Variants in MPRIP observed in about 807,000 individuals in gnomAD.
MPRIP encodes the protein myosin phosphatase Rho-interacting protein.
MPRIP carries 59 observed loss-of-function variants against 234.9 expected under a neutral mutation model. That is an observed-to-expected ratio of 0.25 (90% CI 0.20 to 0.31). MPRIP has a LOEUF of 0.31. MPRIP is among the 10% of genes least tolerant of loss of function. The pLI, the probability that MPRIP is intolerant of heterozygous loss-of-function variation, is 1.00. For synonymous variants in MPRIP, 1,144 were observed against 1,263.9 expected (o/e 0.91, Z 2.01); for missense variants, 2,436 against 3,071.0 (o/e 0.79, Z 4.89).
intron 9 of MPRIP, 22 bp downstream of exon 9, chr17:17,143,691 T>G (rs1410299621): frequency 6.6e-6 from 10 of 1,515,206 alleles, no homozygotes; most frequent in Non-Finnish European, 9.1e-7. Context: ...CGCCGCGTCC[T>G]CCGGAGGCCG....
chr17:17,043,637 G>A (rs2088252360), intron 1 of MPRIP, among the ~76,000 whole-genome samples: 1 of 152,182 alleles, frequency 6.6e-6, no homozygotes, highest in Non-Finnish European at 1.5e-5. Context: ...ACTCCCAAAC[G>A]TGCATTAGAG....
intron 3 of MPRIP, among the ~76,000 whole-genome samples, chr17:17,085,944 G>A (rs974788916): frequency 5.9e-5 from 9 of 152,304 alleles, no homozygotes; most frequent in Admixed American, 5.9e-4. Flanking sequence ...TGACCAGACC[G>A]GACCAACCTC....
rs904672403 is a variant in MPRIP at position 17,043,096 on chromosome 17, G to A, written c.123+125G>A. 116 of 882,252 alleles carry A rather than the reference G, an allele frequency of 1.3e-4. No individual in the cohort carries two copies. The Admixed American group carries it at 2.8e-3, about 22-fold the overall frequency. 54.7% of individuals were successfully genotyped at this position (882,252 alleles called of 1,614,324 possible). On this transcript the variant is annotated intron_variant, in intron 1 of 23. Transcript: ENST00000651222. ...GGAAATGCGCGAGTCCTGGGGCATG[G>A]GGACGGGGACGGGAAGTGCATTGAC...
chr17:17,049,959 C>T (rs1355722802), intron 1 of MPRIP, among the ~76,000 whole-genome samples: 5 of 152,164 alleles, frequency 3.3e-5, no homozygotes, highest in Admixed American at 6.5e-5. Flanking sequence ...GAGGCCGAGA[C>T]GGGCGGATCA....
chr17:17,096,312 TGTGTGTGTGTGTG>T, intron 3 of MPRIP, among the ~76,000 whole-genome samples: 1 of 127,362 alleles, frequency 7.9e-6, no homozygotes, highest in Non-Finnish European at 1.6e-5. Flanking sequence ...TGTGTGTGTG[TGTGTGTGTGTGTG>T]TGTGTGTGTG....
chr17:17,153,463 G>A (rs992090795), intron 12 of MPRIP, among the ~76,000 whole-genome samples: 1 of 151,894 alleles, frequency 6.6e-6, no homozygotes, highest in Non-Finnish European at 1.5e-5. Context: ...CCCCTGCCTG[G>A]TACCCAGGCA....
In MPRIP at chr17:17,138,176, T is replaced by A. The variant is rs1164816457; in HGVS notation, c.997T>A (p.Ser333Thr). Residue 333 changes from serine to threonine, a missense_variant, in exon 7 of 24, where the codon TCC (serine) becomes ACC (threonine). Ser to Thr is a moderately conservative substitution (Grantham distance 58). Transcript: ENST00000651222. The surrounding 1 kb of genome is among the most constrained non-coding windows in gnomAD (Gnocchi z 5.8). ...AATGGTCTGCAGCATCTCCCTCAGCTCCCTGGATGTGGCCAGCCAGCCACC... is the reference window on the plus strand; with the variant it reads ...AATGGTCTGCAGCATCTCCCTCAGCACCCTGGATGTGGCCAGCCAGCCACC... ...HQMVCSISLSSLDVASQPPAY... is the reference protein window; with the variant it reads ...HQMVCSISLSTLDVASQPPAY... 2 of 1,113,626 alleles carry A rather than the reference T, an allele frequency of 1.8e-6. No homozygotes were observed. Among genetic ancestry groups the A allele is most frequent in the African/African-American group, 3.2e-5 (2 of 62,070 alleles). The allele number at this position is 1,113,626 out of a possible 1,614,324, so 69.0% of individuals were successfully genotyped here.
Position 17,174,015 on chromosome 17 carries a change from C to T in MPRIP, c.6690C>T (p.Ala2230=), listed in dbSNP as rs946167459. Residue 2230 remains alanine, a synonymous_variant, in exon 19 of 24, where the codon GCC becomes GCT. Coordinates refer to ENST00000651222, the MANE Select transcript of MPRIP (RefSeq NM_001364716.4). ...ENAHLAQALE[A]ERQALRQCQR... Reference sequence around the variant, plus strand: ...CCCATCTGGCCCAGGCGCTGGAGGCCGAGCGGCAGGCCCTGCGGCAGTGCC... The same window carrying T: ...CCCATCTGGCCCAGGCGCTGGAGGCTGAGCGGCAGGCCCTGCGGCAGTGCC... The T allele has an allele frequency of 1.9e-6, 3 of 1,613,624 alleles. No individual in the cohort carries two copies. Among genetic ancestry groups the T allele is most frequent in the South Asian group, 1.1e-5 (1 of 91,080 alleles).
rs1033382006 is a variant in MPRIP, at chr17:17,167,218, C to T, written c.5627C>T (p.Ser1876Phe). ...CKESWQTREP[S>F]CSEQAQAARA... ...GAGTCCTGGCAAACCCGGGAGCCCT[C>T]CTGCTCAGAGCAGGCACAGGCAGCC... Residue 1876 changes from serine to phenylalanine, a missense_variant, in exon 16 of 24, where the codon TCC becomes TTC. Physicochemically the swap from Ser to Phe is radical, Grantham distance 155. Coordinates refer to ENST00000651222, the MANE Select transcript of MPRIP (RefSeq NM_001364716.4). The surrounding 1 kb of genome is among the most constrained non-coding windows in gnomAD (Gnocchi z 5.9). The T allele has an allele frequency of 7.7e-6, 10 of 1,304,048 alleles. No homozygotes were observed. Among genetic ancestry groups the T allele is most frequent in the South Asian group, 6.2e-5 (5 of 81,030 alleles). The allele number at this position is 1,304,048 out of a possible 1,614,324, so 80.8% of individuals were successfully genotyped here.
chr17:17,082,727 C>G (rs1486121833), intron 3 of MPRIP, among the ~76,000 whole-genome samples: 3 of 152,176 alleles, frequency 2.0e-5, no homozygotes, highest in African/African-American at 7.2e-5. Context: ...TCTCCAGGAC[C>G]CTTTTCAACT....
intron 9 of MPRIP, among the ~76,000 whole-genome samples, chr17:17,144,826 G>A (rs1247570598): frequency 2.0e-5 from 3 of 152,138 alleles, no homozygotes; most frequent in African/African-American, 4.8e-5. Flanking sequence ...ACTGCACTCC[G>A]GCCTGGCGAC....
At position 17,078,050 on chromosome 17, in the gene MPRIP, C is replaced by A; in HGVS notation, c.241C>A (p.Leu81Ile). Residue 81 changes from leucine to isoleucine, a missense_variant, in exon 3 of 24, where the codon CTC (leucine) becomes ATC (isoleucine). Transcript: ENST00000651222. The surrounding 1 kb of genome is among the most constrained non-coding windows in gnomAD (Gnocchi z 4.3). ...GTTCTTCATCCTTTACGAGCACGGC[C>A]TCTTGCGCTACGCCCTGGATGAGAT... The part of the protein sequence containing the change: ...RRFFILYEHG[L>I]LRYALDEMPT... The A allele has an allele frequency of 6.2e-7, 1 of 1,614,206 alleles. No homozygotes were observed. The highest frequency in any genetic ancestry group is 2.2e-5 in the East Asian group (1 of 44,886).
At chr17:17,080,832 C>T (rs2089445297) in intron 3 of MPRIP, among the ~76,000 whole-genome samples, 1 of 152,184 alleles carries the variant, frequency 6.6e-6, no homozygotes, top group South Asian at 2.1e-4. Context: ...GTCAGATTTC[C>T]TGGAGTGAGG....
In MPRIP at chr17:17,078,092, GC is replaced by G. The variant is rs1267394871; in HGVS notation, c.267+19del. On this transcript the variant is annotated intron_variant, in intron 3 of 23. Transcript: ENST00000651222. This position sits in a 1 kb window ranked among gnomAD's most constrained non-coding sequence, Gnocchi z 4.3. ...GGATGAGATGGTAAGTGTTATCCTT[GC>G]CCACTCCCTGTCCCCAGCCTTCACC... 1.2e-6 allele frequency: 2 copies of G among 1,613,532 alleles called. No individual in the cohort carries two copies. The highest frequency in any genetic ancestry group is 1.7e-6 in the Non-Finnish European group (2 of 1,179,700).
chr17:17,128,709 A>G (rs572193516), intron 4 of MPRIP, among the ~76,000 whole-genome samples: 10 of 152,262 alleles, frequency 6.6e-5, no homozygotes, highest in Non-Finnish European at 1.5e-4. Flanking sequence ...CTCACGTGGC[A>G]TAACCTCGTG....
In MPRIP at chr17:17,124,750, A is replaced by G. The variant is rs76264988; in HGVS notation, c.268-1952A>G. Among the ~76,000 whole-genome samples, 313 of 152,288 alleles carry G rather than the reference A, an allele frequency of 2.1e-3. 3 individuals carry two copies. In the East Asian group the frequency reaches 0.054, roughly 26 times the overall value. On this transcript the variant is annotated intron_variant, in intron 3 of 23. Transcript: ENST00000651222. Reference sequence around the variant, plus strand: ...AGGTGGAGGTGGGGTGCGCTTTTGCATGGGGGTGTTGGGCTCAAGAGGGAA... The same window carrying G: ...AGGTGGAGGTGGGGTGCGCTTTTGCGTGGGGGTGTTGGGCTCAAGAGGGAA...
At chr17:17,153,287 G>A (rs994239869) in intron 12 of MPRIP, among the ~76,000 whole-genome samples, 3 of 152,092 alleles carry the variant, frequency 2.0e-5, no homozygotes, top group South Asian at 2.1e-4. Context: ...GCACCCATCC[G>A]AAAACCATCC....
chr17:17,070,542 T>G (rs1435903126), intron 1 of MPRIP, among the ~76,000 whole-genome samples: 1 of 152,244 alleles, frequency 6.6e-6, no homozygotes, highest in African/African-American at 2.4e-5. Context: ...CCTTCTGCTC[T>G]TAAGCCCACC....
intron 3 of MPRIP, among the ~76,000 whole-genome samples, chr17:17,092,201 A>G (rs1335106517): frequency 6.6e-6 from 1 of 152,242 alleles, no homozygotes; most frequent in African/African-American, 2.4e-5. Context: ...AGTGGGGCAG[A>G]TGGCTAGAGC....
Sources: gnomAD v4.1 joint callset for allele counts (sites outside exome capture counted in the v4.1 genomes callset) on GRCh38, gnomAD v4.1.1 for gene constraint, Gnocchi (gnomAD v3.1) non-coding constraint, MANE v1.5 for transcripts, NCBI Gene and HGNC (gene_info 2026-07-23, HGNC 2026-07-21) for gene names.